The following PRKDC variants were observed in gnomAD, a reference collection of about 807,000 sequenced individuals.
The protein encoded by PRKDC is protein kinase, DNA-activated, catalytic subunit.
In PRKDC, 82 loss-of-function variants were observed where a neutral mutation model predicts 486.9. That is an observed-to-expected ratio of 0.17 (90% CI 0.14 to 0.20). PRKDC has a LOEUF of 0.20. Ranked by LOEUF, PRKDC falls within the 10% of genes least tolerant of loss-of-function variation. PRKDC has a pLI of 1.00. For synonymous variants in PRKDC, 1,895 were observed against 1,837.0 expected (o/e 1.03, Z -0.81); for missense variants, 4,504 against 5,038.2 (o/e 0.89, Z 3.21).
chr8:47,871,306 G>A (rs960292860), intron 40 of PRKDC, among the ~76,000 whole-genome samples: 1 of 152,072 alleles, frequency 6.6e-6, no homozygotes, highest in Non-Finnish European at 1.5e-5. Flanking sequence ...TCACCCAGAA[G>A]TCAAGAATAA....
intron 31 of PRKDC, 28 bp downstream of exon 31, chr8:47,893,111 A>G: frequency 1.9e-6 from 3 of 1,544,790 alleles, no homozygotes; most frequent in Non-Finnish European, 2.6e-6. Context: ...AGCACGACAC[A>G]CACCAGAATA....
chr8:47,948,298 C>T (rs942363032), intron 7 of PRKDC, among the ~76,000 whole-genome samples: 11 of 150,974 alleles, frequency 7.3e-5, no homozygotes, highest in Admixed American at 6.6e-4. Context: ...TTAGTAGAGA[C>T]GGGATTTCAC....
At position 47,893,295 on chromosome 8, in the gene PRKDC, G is replaced by C. The variant is rs906781571; in HGVS notation, c.3691C>G (p.Gln1231Glu). The change falls in exon 31 of 86, where the codon CAG becomes GAG. Residue 1231 changes from glutamine to glutamate, a missense_variant. Physicochemically the swap from Gln to Glu is conservative, Grantham distance 29. Coordinates refer to ENST00000314191, the MANE Select transcript of PRKDC (RefSeq NM_006904.7). ...INTFEGGGCG[Q>E]PSGILAQPTL... ...GGCTGGGCCAGGATGCCCGAGGGCT[G>C]GCCACAGCCACCCCCCTCAAAGGTG... The C allele has an allele frequency of 1.9e-5, 30 of 1,609,220 alleles. No homozygotes were observed. The highest frequency in any genetic ancestry group is 2.5e-5 in the Non-Finnish European group (30 of 1,176,960).
rs1238255182 is a variant in PRKDC at position 47,860,764 on chromosome 8, T to A, written c.6058+135A>T. ...CTTAAAATACTTTTTCAAAGTCAAT[T>A]TCAATGTTTTAGGGTACTTAAAGTA... On this transcript the variant is annotated intron_variant, in intron 45 of 85. Coordinates refer to ENST00000314191, the MANE Select transcript of PRKDC (RefSeq NM_006904.7). The A allele has an allele frequency of 8.1e-6, 5 of 616,572 alleles. No homozygotes were observed. The Admixed American group carries it at 1.5e-4, about 19-fold the overall frequency. The allele number at this position is 616,572 out of a possible 1,614,324, so 38.2% of individuals were successfully genotyped here. A position where few individuals can be genotyped will look rare whatever the true frequency, so the allele number is the denominator to read the frequency against.
At chr8:47,944,052 G>A (rs1213818263) in intron 7 of PRKDC, 23 bp from the exon 8 acceptor site, 3 of 1,533,914 alleles carry the variant, frequency 2.0e-6, no homozygotes, top group Non-Finnish European at 2.7e-6. Flanking sequence ...CAAGAAGCCT[G>A]TTACAAATCG....
chr8:47,902,976 A>G (rs192742619), intron 26 of PRKDC, among the ~76,000 whole-genome samples, 181 bp from the exon 27 acceptor site: 154 of 152,380 alleles, frequency 1.0e-3, no homozygotes, highest in African/African-American at 3.6e-3. Context: ...CTAGGCTTGA[A>G]TAACTATTTC....
chr8:47,913,886 G>A lies in PRKDC; in HGVS notation c.2781+15C>T. 2 of 1,584,278 alleles carry A rather than the reference G, an allele frequency of 1.3e-6. No homozygotes were observed. The highest frequency in any genetic ancestry group is 1.7e-6 in the Non-Finnish European group (2 of 1,166,358). On this transcript the variant is annotated intron_variant, in intron 24 of 85. Coordinates refer to ENST00000314191, the MANE Select transcript of PRKDC (RefSeq NM_006904.7). ...ATAGGATCTAAATAATGGGTGAAAT[G>A]AAAAATAGAAGTACTTTAGTTTGTC...
intron 21 of PRKDC, among the ~76,000 whole-genome samples, chr8:47,925,898 T>G (rs1156387260): frequency 1.3e-5 from 2 of 152,218 alleles, no homozygotes; most frequent in African/African-American, 4.8e-5. Flanking sequence ...GGAAGTTTGA[T>G]ACATCAAAAA....
chr8:47,796,813 C>T (rs1447460157), intron 73 of PRKDC, among the ~76,000 whole-genome samples: 2 of 152,036 alleles, frequency 1.3e-5, no homozygotes, highest in African/African-American at 4.8e-5. Flanking sequence ...AGGCTGGTCT[C>T]GAACTGCTGA....
At chr8:47,895,994 G>T (rs374402032) in intron 30 of PRKDC, among the ~76,000 whole-genome samples, 9 of 151,930 alleles carry the variant, frequency 5.9e-5, no homozygotes, top group Non-Finnish European at 1.2e-4. Flanking sequence ...AGCCAAGATC[G>T]TGCCATTGCA....
Position 47,960,048 on chromosome 8 carries a change from C to A in PRKDC, c.79G>T (p.Ala27Ser). Residue 27 changes from alanine (A) to serine (S), a missense_variant, in exon 1 of 86, where the codon GCT (alanine) becomes TCT (serine). Ala to Ser is a moderately conservative substitution (Grantham distance 99). Coordinates refer to ENST00000314191, the MANE Select transcript of PRKDC (RefSeq NM_006904.7). ...ATCAGTTGATGACCGGCCAGGGCAG[C>A]ACCGCAGCGGTCCGCAGCGGACAAG... The part of the protein sequence containing the change: ...ETLSAADRCG[A>S]ALAGHQLIRG... 1 of 1,533,394 alleles carries A rather than the reference C, an allele frequency of 6.5e-7. No individual in the cohort carries two copies. Among genetic ancestry groups the A allele is most frequent in the Admixed American group, 2.0e-5 (1 of 50,980 alleles). 95.0% of individuals were successfully genotyped at this position (1,533,394 alleles called of 1,614,324 possible). A position where few individuals can be genotyped will look rare whatever the true frequency, so the allele number is the denominator to read the frequency against.
intron 17 of PRKDC, 138 bp from the exon 18 acceptor site, chr8:47,930,150 T>C: frequency 1.5e-6 from 1 of 687,144 alleles, no homozygotes; most frequent in Non-Finnish European, 2.3e-6. Flanking sequence ...TAGTTATATC[T>C]ATAATCCATT....
At chr8:47,947,221 G>A (rs925418006) in intron 7 of PRKDC, among the ~76,000 whole-genome samples, 1 of 152,178 alleles carries the variant, frequency 6.6e-6, no homozygotes. Flanking sequence ...TTCCCCAGCT[G>A]TCTCCCTCTC....
intron 21 of PRKDC, among the ~76,000 whole-genome samples, chr8:47,918,772 G>A (rs561607649): frequency 2.6e-5 from 4 of 152,030 alleles, no homozygotes; most frequent in Admixed American, 6.6e-5. Flanking sequence ...AATAAATAAC[G>A]GGGAAAATTG....
At position 47,782,111 on chromosome 8, in the gene PRKDC, G is replaced by C; in HGVS notation, c.11489+51C>G. 6.6e-7 allele frequency: 1 copy of C among 1,526,216 alleles called. No individual in the cohort carries two copies. Among genetic ancestry groups the C allele is most frequent in the South Asian group, 1.1e-5 (1 of 89,104 alleles). 94.5% of individuals were successfully genotyped at this position (1,526,216 alleles called of 1,614,324 possible). ...GTCACGGCCCCGACCTGCCACTGGA[G>C]AAGTGAGGGGAGGCGACTGCTGGGG... On this transcript the variant is annotated intron_variant, in intron 80 of 85. Coordinates refer to ENST00000314191, the MANE Select transcript of PRKDC (RefSeq NM_006904.7). The surrounding 1 kb of genome is among the most constrained non-coding windows in gnomAD (Gnocchi z 4.9).
At chr8:47,806,423 T>C (rs2087216442) in intron 69 of PRKDC, among the ~76,000 whole-genome samples, 1 of 152,202 alleles carries the variant, frequency 6.6e-6, no homozygotes, top group African/African-American at 2.4e-5. Flanking sequence ...TTCTGTTATT[T>C]GCAATATAAA....
At position 47,862,471 on chromosome 8, in the gene PRKDC, G is replaced by A; in HGVS notation, c.5821C>T (p.His1941Tyr). 1 of 1,613,870 alleles carries A rather than the reference G, an allele frequency of 6.2e-7. No homozygotes were observed. The change falls in exon 43 of 86, where the codon CAT becomes TAT. Residue 1941 changes from histidine to tyrosine, a missense_variant. Transcript: ENST00000314191. ...ATGGCGCAGTTGTATGCTGCACAAT[G>A]GTAAAGTCTTCTCCTCTCCAGCAGC... ...NQLLERRRLY[H>Y]CAAYNCAISV...
At chr8:47,905,290 A>G (rs1174379200) in intron 25 of PRKDC, among the ~76,000 whole-genome samples, 1 of 152,034 alleles carries the variant, frequency 6.6e-6, no homozygotes, top group Non-Finnish European at 1.5e-5. Context: ...CAGCCTCCCA[A>G]CGTGCAGGGA....
intron 78 of PRKDC, among the ~76,000 whole-genome samples, chr8:47,783,291 G>GAA (rs59564279): frequency 7.9e-4 from 69 of 87,188 alleles, no homozygotes; most frequent in Non-Finnish European, 9.8e-4. Flanking sequence ...AAAAAAAAAA[G>GAA]AAAAAAAAAA....
Sources: allele counts gnomAD v4.1 joint callset (sites outside exome capture counted in the v4.1 genomes callset), GRCh38; gene constraint gnomAD v4.1.1; non-coding constraint Gnocchi (gnomAD v3.1); transcripts MANE v1.5; gene names NCBI Gene and HGNC (gene_info 2026-07-23, HGNC 2026-07-21).